ADAMTSL3: variants seen among roughly 807,000 people sequenced by gnomAD.
ADAMTSL3 encodes the protein ADAMTS like 3.
ADAMTSL3 carries 128 observed loss-of-function variants against 201.7 expected under a neutral mutation model. The observed-to-expected ratio is 0.63, with a 90% CI of 0.55 to 0.73. ADAMTSL3 has a LOEUF of 0.73. Among genes scored for constraint, ADAMTSL3 ranks in the 30% least tolerant of loss-of-function variants. The probability of loss-of-function intolerance (pLI) is 0.00; values close to 1 mark genes in which losing one functional copy is unlikely to be tolerated. For synonymous variants in ADAMTSL3, 738 were observed against 748.4 expected (o/e 0.99, Z 0.23); for missense variants, 1,990 against 2,119.6 (o/e 0.94, Z 1.20).
intron 2 of ADAMTSL3, among the ~76,000 whole-genome samples, chr15:83,701,503 A>G (rs2061776673): frequency 6.6e-6 from 1 of 152,126 alleles, no homozygotes; most frequent in Admixed American, 6.5e-5. Context: ...CCCCACCCAA[A>G]TCTCATCTTC....
chr15:83,756,185 C>T (rs2062717086), intron 3 of ADAMTSL3, among the ~76,000 whole-genome samples: 2 of 152,292 alleles, frequency 1.3e-5, no homozygotes, highest in South Asian at 2.1e-4. Flanking sequence ...TTTACATTCC[C>T]ACCAGCAATG....
chr15:83,739,444 T>C (rs759981477), intron 3 of ADAMTSL3, among the ~76,000 whole-genome samples: 1 of 150,538 alleles, frequency 6.6e-6, no homozygotes, highest in Non-Finnish European at 1.5e-5. Context: ...GTCAAAACTT[T>C]GTTTTATTCA....
chr15:83,666,662 A>AC (rs1257752837), intron 2 of ADAMTSL3, among the ~76,000 whole-genome samples: 1 of 151,638 alleles, frequency 6.6e-6, no homozygotes, highest in African/African-American at 2.4e-5. Context: ...ATATAGGGAG[A>AC]CCCCCATCCC....
intron 4 of ADAMTSL3, among the ~76,000 whole-genome samples, chr15:83,785,385 AT>A (rs2063244864): frequency 6.6e-6 from 1 of 152,230 alleles, no homozygotes; most frequent in Admixed American, 6.5e-5. Flanking sequence ...TTATTTGAGT[AT>A]AAAATTCCTA....
chr15:83,819,661 CAAAAAA>C (rs11301352), intron 5 of ADAMTSL3, 144 bp from the exon 6 acceptor site: 209 of 523,326 alleles, frequency 4.0e-4, no homozygotes, highest in South Asian at 9.5e-4. Context: ...AACGTTGAAT[CAAAAAA>C]AAAAAAAAAA....
chr15:83,943,238 G>T (rs758508813), intron 19 of ADAMTSL3, among the ~76,000 whole-genome samples, 156 bp downstream of exon 19: 1 of 152,184 alleles, frequency 6.6e-6, no homozygotes, highest in Non-Finnish European at 1.5e-5. Context: ...TCTCGGGTTT[G>T]TGCAAGTTCC....
intron 17 of ADAMTSL3, among the ~76,000 whole-genome samples, chr15:83,931,640 A>G (rs897898318): frequency 6.6e-6 from 1 of 152,206 alleles, no homozygotes; most frequent in Non-Finnish European, 1.5e-5. Flanking sequence ...ATGGTGTTGT[A>G]ACATCATATT....
chr15:83,952,112 G>A (rs1286985410), intron 19 of ADAMTSL3, among the ~76,000 whole-genome samples: 1 of 151,984 alleles, frequency 6.6e-6, no homozygotes, highest in Non-Finnish European at 1.5e-5. Context: ...GTCCCTCTTA[G>A]TGTTGCTTTC....
chr15:83,981,429 A>T (rs1267907145), intron 20 of ADAMTSL3, among the ~76,000 whole-genome samples: 1 of 152,240 alleles, frequency 6.6e-6, no homozygotes, highest in African/African-American at 2.4e-5. Context: ...CAGCAGTTAT[A>T]TATGAGAGCT....
At chr15:84,010,431 G>C (rs965101711) in intron 23 of ADAMTSL3, among the ~76,000 whole-genome samples, 10 of 152,176 alleles carry the variant, frequency 6.6e-5, no homozygotes, top group African/African-American at 2.2e-4. Context: ...AAGTCACGCT[G>C]ATGTATCTTT....
chr15:84,015,166 A>G (rs994778013), intron 24 of ADAMTSL3, among the ~76,000 whole-genome samples: 1 of 152,032 alleles, frequency 6.6e-6, no homozygotes, highest in Non-Finnish European at 1.5e-5. Context: ...GGATGGTCTC[A>G]ATCTCTTGAC....
Position 84,037,881 on chromosome 15 carries a change from T to C in ADAMTSL3, c.*75T>C. ...AAGCTCTTTTCCCCATGTCGCTGAT[T>C]CAAAAACATGTATTTCTTAAAAGAC... On this transcript the variant is annotated 3_prime_UTR_variant, in exon 30 of 30. Coordinates refer to ENST00000286744, the MANE Select transcript of ADAMTSL3 (RefSeq NM_207517.3). 6.6e-7 allele frequency: 1 copy of C among 1,520,478 alleles called. No homozygotes were observed. Among genetic ancestry groups the C allele is most frequent in the Non-Finnish European group, 8.8e-7 (1 of 1,138,796 alleles). The allele number at this position is 1,520,478 out of a possible 1,614,324, so 94.2% of individuals were successfully genotyped here.
At chr15:83,660,740 C>A (rs1047917754) in intron 2 of ADAMTSL3, among the ~76,000 whole-genome samples, 1 of 152,062 alleles carries the variant, frequency 6.6e-6, no homozygotes, top group Non-Finnish European at 1.5e-5. Context: ...TTGCCTGTTC[C>A]CTCTGATGGT....
At chr15:83,826,079 T>C (rs144400422) in intron 6 of ADAMTSL3, among the ~76,000 whole-genome samples, 1 of 152,210 alleles carries the variant, frequency 6.6e-6, no homozygotes, top group African/African-American at 2.4e-5. Context: ...GTAGGATGAA[T>C]TAAATGGAGA....
chr15:83,899,214 C>T (rs567986416), intron 14 of ADAMTSL3, among the ~76,000 whole-genome samples: 1 of 152,186 alleles, frequency 6.6e-6, no homozygotes, highest in Non-Finnish European at 1.5e-5. Flanking sequence ...AACACAGACT[C>T]CTTCATCCCC....
chr15:83,848,831 T>G (rs1402508909), intron 7 of ADAMTSL3, among the ~76,000 whole-genome samples: 1 of 152,238 alleles, frequency 6.6e-6, no homozygotes, highest in Non-Finnish European at 1.5e-5. Context: ...AACATGGTTT[T>G]AATAATAACT....
At chr15:83,933,854 G>C (rs74344800) in intron 17 of ADAMTSL3, among the ~76,000 whole-genome samples, 1 of 152,330 alleles carries the variant, frequency 6.6e-6, no homozygotes, top group South Asian at 2.1e-4. Flanking sequence ...CCCAAGCCTT[G>C]GTGGCTTCCA....
In ADAMTSL3 at chr15:83,902,572, G is replaced by T. The variant is rs2065748169; in HGVS notation, c.1700+2841G>T. ...GGTGTGAGCCACCGCACCTGGCCAA[G>T]TCTAATTCTTTCTTTGCAATGTTCA... On this transcript the variant is annotated intron_variant, in intron 15 of 29. Coordinates refer to ENST00000286744, the MANE Select transcript of ADAMTSL3 (RefSeq NM_207517.3). Among the ~76,000 whole-genome samples, 5 of 152,124 alleles carry T rather than the reference G, an allele frequency of 3.3e-5. No homozygotes were observed. The South Asian group carries it at 1.0e-3, about 32-fold the overall frequency.
chr15:83,868,511 A>C (rs116388847), intron 8 of ADAMTSL3, among the ~76,000 whole-genome samples: 1 of 152,106 alleles, frequency 6.6e-6, no homozygotes, highest in Non-Finnish European at 1.5e-5. Flanking sequence ...GTTAATCCAG[A>C]TTATCAGAAT....
Sources: gnomAD v4.1 joint callset for allele counts (sites outside exome capture counted in the v4.1 genomes callset) on GRCh38, gnomAD v4.1.1 for gene constraint, MANE v1.5 for transcripts, NCBI Gene and HGNC (gene_info 2026-07-23, HGNC 2026-07-21) for gene names.